RASGRP2: variants seen among roughly 807,000 people sequenced by gnomAD.
The protein encoded by RASGRP2 is RAS guanyl releasing protein 2.
RASGRP2 carries 44 observed loss-of-function variants against 71.0 expected under a neutral mutation model. The observed-to-expected ratio is 0.62, with a 90% CI of 0.49 to 0.80. The LOEUF (loss-of-function observed/expected upper bound fraction) is 0.80, where lower values mean the gene tolerates loss of function less well. RASGRP2 is among the 30% of genes least tolerant of loss of function. RASGRP2 has a pLI of 0.00. For synonymous variants in RASGRP2, 350 were observed against 330.7 expected (o/e 1.06, Z -0.63); for missense variants, 663 against 813.4 (o/e 0.82, Z 2.25).
chr11:64,740,655 G>T, intron 5 of RASGRP2: 1 of 647,424 alleles, frequency 1.5e-6, no homozygotes, highest in Non-Finnish European at 2.8e-6. Context: ...CAGCAAGGGG[G>T]ATGATATGAG....
intron 12 of RASGRP2, among the ~76,000 whole-genome samples, chr11:64,731,350 CCTGT>C (rs1234952657): frequency 6.7e-6 from 1 of 149,510 alleles, no homozygotes; most frequent in Non-Finnish European, 1.5e-5. Flanking sequence ...GGCAAGACAC[CCTGT>C]CTCAGAAAAA....
intron 5 of RASGRP2, chr11:64,740,636 C>G: frequency 1.5e-6 from 1 of 647,094 alleles, no homozygotes; most frequent in Non-Finnish European, 2.8e-6. Context: ...CTTGGTAACA[C>G]GGAGGAGGCA....
In RASGRP2 at chr11:64,727,006, C is replaced by T. The variant is rs1592342033; in HGVS notation, c.*132G>A. On this transcript the variant is annotated 3_prime_UTR_variant, in exon 17 of 17. Coordinates refer to ENST00000394432, the MANE Select transcript of RASGRP2 (RefSeq NM_001098671.2). ...TTAGGGACACCAGCCCTGGCCCTGCCCTCAGCTGCATGCCACCCTCATATC... is the reference window on the plus strand; with the variant it reads ...TTAGGGACACCAGCCCTGGCCCTGCTCTCAGCTGCATGCCACCCTCATATC... 2.3e-6 allele frequency: 1 copy of T among 433,200 alleles called. No homozygotes were observed. The highest frequency in any genetic ancestry group is 4.8e-5 in the East Asian group (1 of 20,706). The allele number at this position is 433,200 out of a possible 1,614,324, so 26.8% of individuals were successfully genotyped here.
intron 12 of RASGRP2, among the ~76,000 whole-genome samples, chr11:64,732,095 G>A (rs1486839561): frequency 1.3e-5 from 2 of 152,208 alleles, no homozygotes; most frequent in Non-Finnish European, 2.9e-5. Context: ...ATACTCTGCA[G>A]CTGTTCTAAC....
rs1054121897 is a variant in RASGRP2 at position 64,742,944 on chromosome 11, CG to C, written c.-71-8del. On this transcript the variant is annotated splice_polypyrimidine_tract_variant and splice_region_variant and intron_variant, in intron 1 of 16. Transcript: ENST00000394432. This position sits in a 1 kb window ranked among gnomAD's most constrained non-coding sequence, Gnocchi z 4.7. ...CCGGGCTCGGACCGAACCCCTGTCC[CG>C]GGAGAGGCAGAGCGGGAGTCTGCGG... The C allele has an allele frequency of 6.5e-7, 1 of 1,530,042 alleles. No individual in the cohort carries two copies. The highest frequency in any genetic ancestry group is 1.4e-5 in the African/African-American group (1 of 72,726). The allele number at this position is 1,530,042 out of a possible 1,614,324, so 94.8% of individuals were successfully genotyped here. A position where few individuals can be genotyped will look rare whatever the true frequency, so the allele number is the denominator to read the frequency against.
intron 12 of RASGRP2, among the ~76,000 whole-genome samples, chr11:64,732,397 G>A (rs1295033179): frequency 3.9e-5 from 6 of 152,318 alleles, no homozygotes; most frequent in African/African-American, 7.2e-5. Context: ...GGTGGCTCAC[G>A]CCTATAATCC....
chr11:64,727,210 G>C, intron 16 of RASGRP2, 79 bp from the exon 17 acceptor site: 1 of 1,234,122 alleles, frequency 8.1e-7, no homozygotes, highest in Non-Finnish European at 1.2e-6. Flanking sequence ...GGAGCCATTT[G>C]GATAAAGCAC....
At chr11:64,730,741 G>A (rs1489463526) in intron 12 of RASGRP2, among the ~76,000 whole-genome samples, 1 of 152,248 alleles carries the variant, frequency 6.6e-6, no homozygotes, top group Non-Finnish European at 1.5e-5. Flanking sequence ...TCTAGACACA[G>A]ACCTCAGTTC....
chr11:64,743,735 A>T lies in RASGRP2; in HGVS notation c.-72+268T>A. On this transcript the variant is annotated intron_variant, in intron 1 of 16. Transcript: ENST00000394432. This position sits in a 1 kb window ranked among gnomAD's most constrained non-coding sequence, Gnocchi z 4.9. ...TGAGCGCGCACGGAGCAGGGTGTCC[A>T]GAGGGGGGCGCTCGCGCCAAGGGTG... is the stretch of plus-strand genomic sequence containing the variant. The T allele has an allele frequency of 3.1e-6, 1 of 322,716 alleles. No homozygotes were observed. The highest frequency in any genetic ancestry group is 6.0e-6 in the Non-Finnish European group (1 of 166,410). The allele number at this position is 322,716 out of a possible 1,614,324, so 20.0% of individuals were successfully genotyped here. A position where few individuals can be genotyped will look rare whatever the true frequency, so the allele number is the denominator to read the frequency against.
chr11:64,729,835 T>C, intron 13 of RASGRP2, 37 bp from the exon 14 acceptor site: 1 of 1,611,750 alleles, frequency 6.2e-7, no homozygotes, highest in Non-Finnish European at 8.5e-7. Context: ...GAGGAGGGAT[T>C]TAGAGGTGAT....
chr11:64,727,244 TC>T (rs1379271820), intron 16 of RASGRP2, 51 bp downstream of exon 16: 35 of 1,531,106 alleles, frequency 2.3e-5, no homozygotes, highest in Middle Eastern at 1.7e-4. Context: ...ACTCCCCAGC[TC>T]CCCCCCAGCC....
Position 64,740,106 on chromosome 11 carries a change from C to A in RASGRP2, c.429G>T (p.Lys143Asn). ...VTQRNPVGQK[K>N]RKMSLLFDHL... Reference sequence around the variant, plus strand: ...GGTCAAACAACAGGGACATCTTGCGCTTTTTCTGTCCCACAGGGTTCCGCT... The same window carrying A: ...GGTCAAACAACAGGGACATCTTGCGATTTTTCTGTCCCACAGGGTTCCGCT... Residue 143 changes from lysine to asparagine, a missense_variant, in exon 6 of 17, where the codon AAG becomes AAT. Lys to Asn is a moderately conservative substitution (Grantham distance 94). Coordinates refer to ENST00000394432, the MANE Select transcript of RASGRP2 (RefSeq NM_001098671.2). The A allele has an allele frequency of 6.2e-7, 1 of 1,614,152 alleles. No homozygotes were observed. Among genetic ancestry groups the A allele is most frequent in the Non-Finnish European group, 8.5e-7 (1 of 1,180,020 alleles).
chr11:64,740,100 C>G lies in RASGRP2; in HGVS notation c.435G>C (p.Lys145Asn), dbSNP rs776190886. 2.5e-6 allele frequency: 4 copies of G among 1,614,076 alleles called. No individual in the cohort carries two copies. The African/African-American group carries it at 5.3e-5, about 22-fold the overall frequency. ...QRNPVGQKKR[K>N]MSLLFDHLEP... ...CCAGGTGGTCAAACAACAGGGACAT[C>G]TTGCGCTTTTTCTGTCCCACAGGGT... Residue 145 changes from lysine (K) to asparagine (N), a missense_variant, in exon 6 of 17, where the codon AAG (lysine) becomes AAC (asparagine). Transcript: ENST00000394432.
Position 64,735,181 on chromosome 11 carries a change from T to C in RASGRP2, c.1343A>G (p.Gln448Arg). The change falls in exon 12 of 17, where the codon CAG becomes CGG. Residue 448 changes from glutamine (Q) to arginine (R), a missense_variant. Physicochemically the swap from Gln to Arg is conservative, Grantham distance 43. Coordinates refer to ENST00000394432, the MANE Select transcript of RASGRP2 (RefSeq NM_001098671.2). The surrounding 1 kb of genome is among the most constrained non-coding windows in gnomAD (Gnocchi z 4.2). ...FDVDGDGHIS[Q>R]EEFQIIRGNF... The stretch of plus-strand genomic sequence containing the variant: ...CCCACGGATGATCTGGAATTCTTCC[T>C]GTGAGATGTGGCCATCCCCATCGAC... 1.3e-5 allele frequency: 21 copies of C among 1,614,200 alleles called. No individual in the cohort carries two copies. The highest frequency in any genetic ancestry group is 1.8e-5 in the Non-Finnish European group (21 of 1,180,038).
chr11:64,728,562 G>A (rs2057650252), intron 15 of RASGRP2, among the ~76,000 whole-genome samples: 1 of 152,048 alleles, frequency 6.6e-6, no homozygotes, highest in Non-Finnish European at 1.5e-5. Flanking sequence ...CAAGTAGCTG[G>A]GACTACAGGC....
rs1046062301 is a variant in RASGRP2 at position 64,743,505 on chromosome 11, G to A, written c.-72+498C>T. ...CCAGGGGGCCTGCCCTAGGGGAGGC[G>A]GACTGGATGGGAGAGGAACATTCCT... is the stretch of plus-strand genomic sequence containing the variant. On this transcript the variant is annotated intron_variant, in intron 1 of 16. Transcript: ENST00000394432. This position sits in a 1 kb window ranked among gnomAD's most constrained non-coding sequence, Gnocchi z 4.9. 8.7e-6 allele frequency: 3 copies of A among 345,384 alleles called. No individual in the cohort carries two copies. The highest frequency in any genetic ancestry group is 1.7e-5 in the Non-Finnish European group (3 of 175,126). The allele number at this position is 345,384 out of a possible 1,614,324, so 21.4% of individuals were successfully genotyped here. A position where few individuals can be genotyped will look rare whatever the true frequency, so the allele number is the denominator to read the frequency against.
At chr11:64,732,333 G>A (rs2057788909) in intron 12 of RASGRP2, among the ~76,000 whole-genome samples, 1 of 152,008 alleles carries the variant, frequency 6.6e-6, no homozygotes, top group South Asian at 2.1e-4. Context: ...GACCAGCCTG[G>A]CCAACAAGGT....
In RASGRP2 at chr11:64,740,971, G is replaced by A. The variant is rs1193806810; in HGVS notation, c.348C>T (p.Ser116=). The A allele has an allele frequency of 1.2e-6, 2 of 1,613,722 alleles. No homozygotes were observed. The highest frequency in any genetic ancestry group is 1.3e-5 in the African/African-American group (1 of 74,794). ...LLDQEGNRRH[S]SLIDIDSVPT... is the part of the protein sequence containing the mutation. The stretch of plus-strand genomic sequence containing the variant: ...ACACGCTGTCTATGTCGATTAGGCT[G>A]CTGTGCCGTCGGTTCCCTTCTTGGT... Residue 116 remains serine, a synonymous_variant, in exon 5 of 17, where the codon AGC becomes AGT. Transcript: ENST00000394432.
At position 64,743,762 on chromosome 11, in the gene RASGRP2, C is replaced by A; in HGVS notation, c.-72+241G>T. On this transcript the variant is annotated intron_variant, in intron 1 of 16. Coordinates refer to ENST00000394432, the MANE Select transcript of RASGRP2 (RefSeq NM_001098671.2). The surrounding 1 kb of genome is among the most constrained non-coding windows in gnomAD (Gnocchi z 4.9). ...AGGGGGGCGCTCGCGCCAAGGGTGG[C>A]CGGTGGGTGCATGACACCATTAGCA... 3.3e-6 allele frequency: 1 copy of A among 307,436 alleles called. No homozygotes were observed. 19.0% of individuals were successfully genotyped at this position (307,436 alleles called of 1,614,324 possible).
Sources: gnomAD v4.1 joint callset for allele counts (sites outside exome capture counted in the v4.1 genomes callset) on GRCh38, gnomAD v4.1.1 for gene constraint, Gnocchi (gnomAD v3.1) non-coding constraint, MANE v1.5 for transcripts, NCBI Gene and HGNC (gene_info 2026-07-23, HGNC 2026-07-21) for gene names.